The following RYR3 variants were observed in gnomAD, a reference collection of about 807,000 sequenced individuals.
The protein encoded by RYR3 is ryanodine receptor 3, also known as brain ryanodine receptor-calcium release channel.
RYR3 carries 207 observed loss-of-function variants against 584.3 expected under a neutral mutation model. The ratio of observed to expected loss-of-function variants is 0.35; its 90% CI spans 0.32 to 0.40. The LOEUF (loss-of-function observed/expected upper bound fraction) is 0.40, where lower values mean the gene tolerates loss of function less well. RYR3 is among the 10% of genes least tolerant of loss of function. The probability of loss-of-function intolerance (pLI) is 1.00; values close to 1 mark genes in which losing one functional copy is unlikely to be tolerated. For synonymous variants in RYR3, 2,416 were observed against 2,248.5 expected, an observed-to-expected ratio of 1.07 and a Z score of -2.11; for missense variants, 5,616 against 6,089.2, an observed-to-expected ratio of 0.92 and a Z score of 2.59.
At chr15:33,554,453 A>C (rs1441979704) in intron 10 of RYR3, among the ~76,000 whole-genome samples, 4 of 151,362 alleles carry the variant, frequency 2.6e-5, no homozygotes, top group Admixed American at 6.6e-5. Flanking sequence ...CCACCACCAC[A>C]CCGGGCTAAT....
At chr15:33,755,034 A>G (rs1433399963) in intron 57 of RYR3, 31 bp from the exon 58 acceptor site, 1 of 1,245,870 alleles carries the variant, frequency 8.0e-7, no homozygotes, top group Middle Eastern at 1.9e-4. Flanking sequence ...TGTCTCTGTT[A>G]CTTCCTGGGG....
rs2152707361 is a variant in RYR3, at chr15:33,662,951, A to G, written c.5418+3A>G. The G allele has an allele frequency of 4.3e-6, 7 of 1,609,960 alleles. No homozygotes were observed. In the East Asian group the frequency reaches 1.6e-4, roughly 36 times the overall value. On this transcript the variant is annotated splice_donor_region_variant and intron_variant, in intron 35 of 103. Coordinates refer to ENST00000634891, the MANE Select transcript of RYR3 (RefSeq NM_001036.6). ...TACCCGAATCCGTCAAGCTGCAGGT[A>G]AGCTGCAGGTGGTTAAGTGGAGGCA...
intron 38 of RYR3, among the ~76,000 whole-genome samples, chr15:33,678,109 TGAG>T (rs776760961): frequency 6.6e-6 from 1 of 152,204 alleles, no homozygotes; most frequent in Non-Finnish European, 1.5e-5. Flanking sequence ...ATGGTAATGA[TGAG>T]GATTGAATGA....
intron 1 of RYR3, among the ~76,000 whole-genome samples, chr15:33,328,281 T>TA (rs943004196): frequency 2.6e-4 from 40 of 152,356 alleles, no homozygotes; most frequent in African/African-American, 7.5e-4. Flanking sequence ...TGTGGGCTGT[T>TA]ACGGCAGCTC....
intron 60 of RYR3, among the ~76,000 whole-genome samples, chr15:33,760,944 C>T (rs922120658): frequency 1.3e-5 from 2 of 152,336 alleles, no homozygotes; most frequent in Non-Finnish European, 2.9e-5. Flanking sequence ...GATTAAGAAA[C>T]TCACTCAAAA....
chr15:33,403,848 G>A lies in RYR3; in HGVS notation c.52-69571G>A, dbSNP rs908822576. ...TTTGAAATATCTTTCCTCTTAGTTG[G>A]GTTTGGCTGAGTTTATCCTTTAACT... On this transcript the variant is annotated intron_variant, in intron 1 of 103. Transcript: ENST00000634891. 3.3e-5 allele frequency among the ~76,000 whole-genome samples: 5 copies of A among 152,058 alleles called. No individual in the cohort carries two copies. In the South Asian group the frequency reaches 8.3e-4, roughly 25 times the overall value.
chr15:33,662,108 G>A, intron 34 of RYR3, 45 bp from the exon 35 acceptor site: 1 of 1,468,290 alleles, frequency 6.8e-7, no homozygotes, highest in Non-Finnish European at 9.1e-7. Flanking sequence ...GATTCTGGTG[G>A]GTTCTTCTCC....
intron 21 of RYR3, 60 bp from the exon 22 acceptor site, chr15:33,629,880 T>C (rs2061181261): frequency 1.1e-6 from 1 of 878,522 alleles, no homozygotes. Flanking sequence ...TGTTCTGTTT[T>C]CCCATGCAGT....
Position 33,769,110 on chromosome 15 carries a change from A to G in RYR3, c.8756-2A>G. On this transcript the variant is annotated splice_acceptor_variant, in intron 61 of 103. Transcript: ENST00000634891. LOFTEE classifies it high-confidence loss of function. The stretch of plus-strand genomic sequence containing the variant: ...AATCACAGATGATTTTTTTTATTCC[A>G]GGTAGTGATTCTACTACAATGGTGA... 6.2e-7 allele frequency: 1 copy of G among 1,609,816 alleles called. No homozygotes were observed. The highest frequency in any genetic ancestry group is 2.2e-5 in the East Asian group (1 of 44,862).
At chr15:33,453,562 G>A (rs541147026) in intron 1 of RYR3, among the ~76,000 whole-genome samples, 42 of 152,294 alleles carry the variant, frequency 2.8e-4, no homozygotes, top group African/African-American at 9.4e-4. Flanking sequence ...AGGAACAACT[G>A]CTGTAATATA....
intron 5 of RYR3, among the ~76,000 whole-genome samples, chr15:33,536,902 T>A (rs1304673210): frequency 2.0e-5 from 3 of 152,156 alleles, no homozygotes; most frequent in Non-Finnish European, 4.4e-5. Context: ...TTTTTAAAAT[T>A]CTTTCTAGAT....
intron 8 of RYR3, among the ~76,000 whole-genome samples, chr15:33,544,182 T>C (rs947197457): frequency 3.9e-5 from 6 of 152,188 alleles, no homozygotes; most frequent in Non-Finnish European, 8.8e-5. Context: ...CTTGTCCTTA[T>C]ACTTGACCCC....
At position 33,840,881 on chromosome 15, in the gene RYR3, AGAGT is replaced by A; in HGVS notation, c.13036_13037+2del. On this transcript the variant is annotated splice_donor_variant and coding_sequence_variant, in exon 90 of 104. Transcript: ENST00000634891. LOFTEE classifies it high-confidence loss of function. ...AAGGAAAAGTAGAATCCGAGAAGGC[AGAGT>A]AAGTTCTTGGTAGCATCAACTACTC... The A allele has an allele frequency of 6.2e-7, 1 of 1,613,814 alleles. No homozygotes were observed. Among genetic ancestry groups the A allele is most frequent in the South Asian group, 1.1e-5 (1 of 90,988 alleles).
At chr15:33,725,966 TCC>T (rs10645234) in intron 45 of RYR3, among the ~76,000 whole-genome samples, 1 of 15,746 alleles carries the variant, frequency 6.4e-5, no homozygotes, top group African/African-American at 1.7e-4. Flanking sequence ...CAAGACTCCA[TCC>T]CCCCCCCCAA....
chr15:33,539,330 C>T lies in RYR3; in HGVS notation c.434-20C>T. On this transcript the variant is annotated intron_variant, in intron 5 of 103. Transcript: ENST00000634891. ...CTGGCTTCTGTGAAGCAATGACTAACTCAAGGAGCCTTCATGTAGGAGAAG... is the reference window on the plus strand; with the variant it reads ...CTGGCTTCTGTGAAGCAATGACTAATTCAAGGAGCCTTCATGTAGGAGAAG... 1 of 1,505,770 alleles carries T rather than the reference C, an allele frequency of 6.6e-7. No individual in the cohort carries two copies. The highest frequency in any genetic ancestry group is 9.1e-7 in the Non-Finnish European group (1 of 1,098,190). The allele number at this position is 1,505,770 out of a possible 1,614,324, so 93.3% of individuals were successfully genotyped here.
intron 9 of RYR3, 31 bp from the exon 10 acceptor site, chr15:33,550,129 A>G (rs2056567111): frequency 1.2e-6 from 2 of 1,603,880 alleles, no homozygotes; most frequent in Admixed American, 1.7e-5. Flanking sequence ...TTTTGTATAA[A>G]TGCAATTTCT....
intron 1 of RYR3, among the ~76,000 whole-genome samples, chr15:33,434,988 T>C (rs2045533824): frequency 6.6e-6 from 1 of 151,998 alleles, no homozygotes; most frequent in African/African-American, 2.4e-5. Flanking sequence ...TGGCTAATTT[T>C]TTTTTGTATT....
chr15:33,516,706 A>G (rs184653561), intron 3 of RYR3, among the ~76,000 whole-genome samples: 1 of 152,094 alleles, frequency 6.6e-6, no homozygotes, highest in Admixed American at 6.5e-5. Flanking sequence ...ATTTTTTCTT[A>G]CAAATCTCAG....
At chr15:33,321,170 T>C (rs1242895702) in intron 1 of RYR3, among the ~76,000 whole-genome samples, 1 of 152,216 alleles carries the variant, frequency 6.6e-6, no homozygotes, top group Admixed American at 6.5e-5. Context: ...TCATCTTTGC[T>C]TTGGGGAGAC....
Sources: allele counts gnomAD v4.1 joint callset (sites outside exome capture counted in the v4.1 genomes callset), GRCh38; gene constraint gnomAD v4.1.1; transcripts MANE v1.5; gene names NCBI Gene and HGNC (gene_info 2026-07-23, HGNC 2026-07-21).